IL26: variants seen among roughly 807,000 people sequenced by gnomAD.
IL26 encodes the protein interleukin-26.
IL26 carries 23 observed loss-of-function variants against 21.7 expected under a neutral mutation model. The observed-to-expected ratio is 1.06, with a 90% CI of 0.76 to 1.50. IL26 has a LOEUF of 1.50. Ranked by LOEUF, IL26 falls within the 40% of genes most tolerant of loss-of-function variation. The pLI is 0.00. For missense variants in IL26, 204 were observed against 196.0 expected, an observed-to-expected ratio of 1.04 and a Z score of -0.24; for synonymous variants, 63 against 67.8, an observed-to-expected ratio of 0.93 and a Z score of 0.34.
rs1325435953 is a variant in IL26 at position 68,224,660 on chromosome 12, AAGAG to A, written c.363+485_363+488del. Among the ~76,000 whole-genome samples, 116 of 143,146 alleles carry A rather than the reference AAGAG, an allele frequency of 8.1e-4. 2 individuals carry two copies. Among genetic ancestry groups the A allele is most frequent in the African/African-American group, 2.6e-3 (100 of 38,200 alleles). 93.9% of individuals were successfully genotyped at this position (143,146 alleles called of 152,430 possible). A position where few individuals can be genotyped will look rare whatever the true frequency, so the allele number is the denominator to read the frequency against. On this transcript the variant is annotated intron_variant, in intron 3 of 4. Coordinates refer to ENST00000229134, the MANE Select transcript of IL26 (RefSeq NM_018402.2). The stretch of plus-strand genomic sequence containing the variant: ...AAGAAGGAAGGAAGGAAAAGAAAGA[AAGAG>A]AGAGGGAGGGAAGGAGGGTGGAGGA...
chr12:68,221,857 C>T (rs1869055616), intron 3 of IL26, among the ~76,000 whole-genome samples: 2 of 152,030 alleles, frequency 1.3e-5, no homozygotes, highest in African/African-American at 4.8e-5. Flanking sequence ...GCAATATTTC[C>T]CCAACCCAAA....
intron 3 of IL26, among the ~76,000 whole-genome samples, chr12:68,203,549 G>A (rs1004866244): frequency 1.3e-5 from 2 of 152,158 alleles, no homozygotes; most frequent in African/African-American, 4.8e-5. Context: ...CTCGTGAAAC[G>A]GAAGTGGGTA....
At chr12:68,210,384 A>C (rs3970783) in intron 3 of IL26, among the ~76,000 whole-genome samples, 1 of 119,346 alleles carries the variant, frequency 8.4e-6, no homozygotes, top group Non-Finnish European at 1.8e-5. Flanking sequence ...AAAAAAAAAA[A>C]CAGCACAAGC....
chr12:68,206,112 A>T (rs1257838311), intron 3 of IL26, among the ~76,000 whole-genome samples: 1 of 152,220 alleles, frequency 6.6e-6, no homozygotes, highest in East Asian at 1.9e-4. Context: ...TGTAAATTCT[A>T]TGAAGTTATG....
At chr12:68,224,490 T>G (rs901453577) in intron 3 of IL26, among the ~76,000 whole-genome samples, 1 of 151,990 alleles carries the variant, frequency 6.6e-6, no homozygotes, top group Non-Finnish European at 1.5e-5. Context: ...TTTAAGTTTT[T>G]TACTGAGATT....
chr12:68,214,661 T>C (rs1449919254), intron 3 of IL26, among the ~76,000 whole-genome samples: 1 of 152,204 alleles, frequency 6.6e-6, no homozygotes, highest in African/African-American at 2.4e-5. Flanking sequence ...TGCTCTTTTT[T>C]TGGTTTCCAT....
At chr12:68,223,884 G>GTTTTTTTTTTTTTTTTTTTTGTTTTT (rs376115904) in intron 3 of IL26, among the ~76,000 whole-genome samples, 1 of 132,272 alleles carries the variant, frequency 7.6e-6, no homozygotes, top group Non-Finnish European at 1.6e-5. Context: ...AAATTTGGTG[G>GTTTTTTTTTTTTTTTTTTTTGTTTTT]TTTTTTTTTT....
intron 3 of IL26, among the ~76,000 whole-genome samples, chr12:68,218,575 C>T (rs1868958230): frequency 6.6e-6 from 1 of 151,970 alleles, no homozygotes; most frequent in Non-Finnish European, 1.5e-5. Context: ...AATCAGTGAG[C>T]TGTGGGACAA....
chr12:68,211,268 T>C (rs772588817), intron 3 of IL26, among the ~76,000 whole-genome samples: 5 of 152,192 alleles, frequency 3.3e-5, no homozygotes, highest in Non-Finnish European at 5.9e-5. Flanking sequence ...AGAATTTCAT[T>C]TTTTTCATTA....
In IL26 at chr12:68,225,620, T is replaced by C; in HGVS notation, c.137A>G (p.Tyr46Cys). The change falls in exon 1 of 5, where the codon TAT becomes TGT. Residue 46 changes from tyrosine (Y) to cysteine (C), a missense_variant. Transcript: ENST00000229134. ...GTLSQAVDAL[Y>C]IKAAWLKATI... ...TGCTTTGAGCCATGCTGCTTTGATA[T>C]AGAGAGCGTCAACAGCTTGGGACAA... The C allele has an allele frequency of 6.2e-7, 1 of 1,614,084 alleles. No individual in the cohort carries two copies. The highest frequency in any genetic ancestry group is 8.5e-7 in the Non-Finnish European group (1 of 1,179,920).
chr12:68,202,688 C>T (rs533435931), intron 3 of IL26, among the ~76,000 whole-genome samples: 4 of 152,238 alleles, frequency 2.6e-5, no homozygotes, highest in African/African-American at 7.2e-5. Flanking sequence ...AATCACCTCC[C>T]GTCAGGTCCC....
At chr12:68,214,908 G>GT (rs970861769) in intron 3 of IL26, among the ~76,000 whole-genome samples, 10 of 144,350 alleles carry the variant, frequency 6.9e-5, no homozygotes, top group African/African-American at 2.6e-4. Context: ...ATTTCATTTT[G>GT]TTTTTTTTAA....
At position 68,225,278 on chromosome 12, in the gene IL26, G is replaced by A; in HGVS notation, c.234C>T (p.Asn78=). The A allele has an allele frequency of 1.2e-6, 2 of 1,603,620 alleles. No individual in the cohort carries two copies. Among genetic ancestry groups the A allele is most frequent in the Non-Finnish European group, 1.7e-6 (2 of 1,176,270 alleles). The change falls in exon 3 of 5, where the codon AAC becomes AAT. Residue 78 remains asparagine (N), a synonymous_variant. Coordinates refer to ENST00000229134, the MANE Select transcript of IL26 (RefSeq NM_018402.2). ...ACAGAAGCTGTTCTTGAAATTGACA[G>A]TTTTTCTAAAAATAAGATACAAGAA... ...KKKTKKQFMK[N]CQFQEQLLSF...
chr12:68,218,949 G>C (rs972987170), intron 3 of IL26, among the ~76,000 whole-genome samples: 16 of 151,856 alleles, frequency 1.1e-4, no homozygotes, highest in Admixed American at 1.0e-3. Context: ...TATTATTAGG[G>C]ACAATAAGGG....
intron 3 of IL26, among the ~76,000 whole-genome samples, chr12:68,222,967 C>A (rs1305970745): frequency 6.6e-6 from 1 of 152,216 alleles, no homozygotes; most frequent in African/African-American, 2.4e-5. Context: ...CTCCCAACCA[C>A]TGATTCAGAG....
intron 3 of IL26, among the ~76,000 whole-genome samples, chr12:68,214,336 G>A (rs147915932): frequency 6.6e-6 from 1 of 152,248 alleles, no homozygotes; most frequent in East Asian, 1.9e-4. Context: ...TAGCAGTTGG[G>A]TGAATTATTC....
At chr12:68,202,689 G>A (rs545523491) in intron 3 of IL26, among the ~76,000 whole-genome samples, 30 of 152,234 alleles carry the variant, frequency 2.0e-4, no homozygotes, top group African/African-American at 5.1e-4. Flanking sequence ...ATCACCTCCC[G>A]TCAGGTCCCT....
chr12:68,224,318 T>TTGTTG (rs1869165080), intron 3 of IL26, among the ~76,000 whole-genome samples: 2 of 151,868 alleles, frequency 1.3e-5, no homozygotes, highest in Non-Finnish European at 2.9e-5. Flanking sequence ...TTGTTTTGTT[T>TTGTTG]TGTTTTGTTT....
chr12:68,219,767 A>G (rs1361639955), intron 3 of IL26, among the ~76,000 whole-genome samples: 3 of 152,000 alleles, frequency 2.0e-5, no homozygotes, highest in Admixed American at 6.5e-5. Context: ...AGAAAAATCA[A>G]TGAAACTAAA....
Sources: gnomAD v4.1 joint callset for allele counts (sites outside exome capture counted in the v4.1 genomes callset) on GRCh38, gnomAD v4.1.1 for gene constraint, MANE v1.5 for transcripts, NCBI Gene and HGNC (gene_info 2026-07-23, HGNC 2026-07-21) for gene names.